PTBP3: variants seen among roughly 807,000 people sequenced by gnomAD.
PTBP3 encodes the protein polypyrimidine tract binding protein 3.
Under a neutral mutation model 58.7 loss-of-function variants are expected in PTBP3, and 20 were observed. The observed-to-expected ratio is 0.34, with a 90% CI of 0.24 to 0.50. The LOEUF is 0.50. Among genes scored for constraint, PTBP3 ranks in the 20% least tolerant of loss-of-function variants. The pLI, the probability that PTBP3 is intolerant of heterozygous loss-of-function variation, is 0.98. For synonymous variants in PTBP3, 185 were observed against 219.8 expected (o/e 0.84, Z 1.40); for missense variants, 509 against 637.2 (o/e 0.80, Z 2.17).
Position 112,320,265 on chromosome 9 carries a change from G to A in PTBP3, c.-52+13205C>T, listed in dbSNP as rs1393824776. Among the ~76,000 whole-genome samples, 7 of 92,078 alleles carry A rather than the reference G, an allele frequency of 7.6e-5. No homozygotes were observed. The South Asian group carries it at 1.8e-3, about 24-fold the overall frequency. 60.4% of individuals were successfully genotyped at this position (92,078 alleles called of 152,430 possible). A position where few individuals can be genotyped will look rare whatever the true frequency, so the allele number is the denominator to read the frequency against. ...TGCAATACAGCCTGGGCAACAGGACGAGACCCTTTCTCTTAAAAAAAAAAA... is the reference window on the plus strand; with the variant it reads ...TGCAATACAGCCTGGGCAACAGGACAAGACCCTTTCTCTTAAAAAAAAAAA... On this transcript the variant is annotated intron_variant, in intron 1 of 13. Coordinates refer to ENST00000374257, the MANE Select transcript of PTBP3 (RefSeq NM_001163788.4).
intron 7 of PTBP3, among the ~76,000 whole-genome samples, chr9:112,240,488 G>A (rs1193946777): frequency 2.0e-5 from 3 of 151,872 alleles, no homozygotes; most frequent in African/African-American, 7.3e-5. Context: ...AGTGATGCTG[G>A]AATAAAACTC....
chr9:112,299,137 A>G (rs766019670), intron 1 of PTBP3, among the ~76,000 whole-genome samples: 65 of 152,168 alleles, frequency 4.3e-4, no homozygotes, highest in Non-Finnish European at 8.2e-4. Context: ...GTAAAAATTA[A>G]AACATACACA....
intron 7 of PTBP3, among the ~76,000 whole-genome samples, chr9:112,237,056 T>C (rs1271653856): frequency 1.3e-5 from 2 of 152,130 alleles, no homozygotes; most frequent in African/African-American, 4.8e-5. Flanking sequence ...TAGCAAGCAG[T>C]AGATTTGAGA....
At chr9:112,279,811 ATT>A (rs1464901542) in intron 2 of PTBP3, among the ~76,000 whole-genome samples, 1 of 152,108 alleles carries the variant, frequency 6.6e-6, no homozygotes. Context: ...ATCTTTTTAA[ATT>A]TCTCTCAGTA....
Position 112,220,669 on chromosome 9 carries a change from A to G in PTBP3, c.*3182T>C, listed in dbSNP as rs1041457716. On this transcript the variant is annotated 3_prime_UTR_variant, in exon 14 of 14. Transcript: ENST00000374257. ...TTCTGATACTCTCCAGTAAGTATCA[A>G]TTAAGATACTGGGTCATTTTTCTAT... is the stretch of plus-strand genomic sequence containing the variant. 25 of 986,148 alleles carry G rather than the reference A, an allele frequency of 2.5e-5. No individual in the cohort carries two copies. In the African/African-American group the frequency reaches 2.6e-4, roughly 10 times the overall value. 61.1% of individuals were successfully genotyped at this position (986,148 alleles called of 1,614,324 possible).
At chr9:112,263,585 G>A (rs529888833) in intron 4 of PTBP3, among the ~76,000 whole-genome samples, 10 of 152,298 alleles carry the variant, frequency 6.6e-5, no homozygotes, top group African/African-American at 2.2e-4. Flanking sequence ...TTTCAACAGT[G>A]TCAAGGTTAT....
the PTBP3 span, among the ~76,000 whole-genome samples, chr9:112,378,734 G>A: frequency 1.1e-4 from 17 of 152,210 alleles, no homozygotes; most frequent in African/African-American, 4.1e-4. Context: ...TTTTTGAGCT[G>A]CTGTATCTCA....
chr9:112,239,395 G>A (rs1032110615), intron 7 of PTBP3, among the ~76,000 whole-genome samples: 1 of 152,074 alleles, frequency 6.6e-6, no homozygotes, highest in Non-Finnish European at 1.5e-5. Context: ...CACAGAATAC[G>A]CAATAAGTTA....
chr9:112,352,596 T>C, the PTBP3 span, among the ~76,000 whole-genome samples: 1 of 152,218 alleles, frequency 6.6e-6, no homozygotes, highest in Non-Finnish European at 1.5e-5. Flanking sequence ...AATTTTTCCG[T>C]GGTGCACCTA....
intron 5 of PTBP3, among the ~76,000 whole-genome samples, chr9:112,257,845 C>T (rs1157951112): frequency 6.7e-6 from 1 of 150,284 alleles, no homozygotes; most frequent in Admixed American, 6.8e-5. Flanking sequence ...AAGGCTGAGG[C>T]AGGAGAATTG....
At chr9:112,351,405 T>C in the PTBP3 span, among the ~76,000 whole-genome samples, 5 of 152,210 alleles carry the variant, frequency 3.3e-5, no homozygotes, top group East Asian at 3.9e-4. Flanking sequence ...AAGGGTCCTA[T>C]TGTTAACATG....
upstream of PTBP3, among the ~76,000 whole-genome samples, chr9:112,337,531 A>G (rs370906712): frequency 3.3e-5 from 5 of 152,170 alleles, no homozygotes; most frequent in African/African-American, 9.7e-5. Context: ...TATCACCTAC[A>G]TGACCTGGTT....
At chr9:112,266,293 A>T (rs1026951972) in intron 4 of PTBP3, among the ~76,000 whole-genome samples, 2 of 152,238 alleles carry the variant, frequency 1.3e-5, no homozygotes, top group Non-Finnish European at 2.9e-5. Flanking sequence ...ACAATAAAAA[A>T]TGGGGAAAAT....
At chr9:112,292,291 C>G (rs1157239667) in intron 2 of PTBP3, among the ~76,000 whole-genome samples, 3 of 152,124 alleles carry the variant, frequency 2.0e-5, no homozygotes, top group Non-Finnish European at 4.4e-5. Flanking sequence ...TAAGTATTCA[C>G]AAGGATGTGG....
intron 2 of PTBP3, among the ~76,000 whole-genome samples, chr9:112,282,701 A>G (rs1290521151): frequency 6.6e-6 from 1 of 151,090 alleles, no homozygotes; most frequent in African/African-American, 2.4e-5. Flanking sequence ...TCTTGTTTTG[A>G]TTTCTAATAG....
intron 1 of PTBP3, among the ~76,000 whole-genome samples, chr9:112,302,213 T>TA (rs1316546854): frequency 1.3e-5 from 2 of 152,134 alleles, no homozygotes; most frequent in East Asian, 3.8e-4. Flanking sequence ...AACATTGACC[T>TA]AATACCCTCT....
At chr9:112,288,569 G>T (rs1244898015) in intron 2 of PTBP3, among the ~76,000 whole-genome samples, 2 of 151,924 alleles carry the variant, frequency 1.3e-5, no homozygotes, top group East Asian at 3.9e-4. Context: ...TACCTCAATT[G>T]TTTCCCTTCT....
intron 7 of PTBP3, among the ~76,000 whole-genome samples, chr9:112,236,634 T>C (rs1564395487): frequency 6.6e-6 from 1 of 152,204 alleles, no homozygotes; most frequent in Non-Finnish European, 1.5e-5. Flanking sequence ...TCTATATAAC[T>C]GGCCAAACAT....
At chr9:112,366,215 G>A in the PTBP3 span, among the ~76,000 whole-genome samples, 16 of 152,082 alleles carry the variant, frequency 1.1e-4, no homozygotes, top group East Asian at 2.5e-3. Flanking sequence ...CCCAGGAAGC[G>A]GAGATTGCAG....
Sources: allele counts gnomAD v4.1 joint callset (sites outside exome capture counted in the v4.1 genomes callset), GRCh38; gene constraint gnomAD v4.1.1; transcripts MANE v1.5; gene names NCBI Gene and HGNC (gene_info 2026-07-23, HGNC 2026-07-21).